The following IQSEC2 variants were observed in gnomAD, a reference collection of about 807,000 sequenced individuals.
The protein encoded by IQSEC2 is IQ motif and SEC7 domain-containing protein 2.
In IQSEC2, 6 loss-of-function variants were observed where a neutral mutation model predicts 74.6. The ratio of observed to expected loss-of-function variants is 0.08; its 90% CI spans 0.04 to 0.16. IQSEC2 has a LOEUF of 0.16. IQSEC2 is among the 10% of genes least tolerant of loss of function. The pLI is 1.00. For missense variants in IQSEC2, 734 were observed against 1,306.2 expected (o/e 0.56, Z 6.75); for synonymous variants, 494 against 544.5 (o/e 0.91, Z 1.29).
intron 2 of IQSEC2, among the ~76,000 whole-genome samples, chrX:53,278,161 C>T (rs981712514): frequency 2.8e-5 from 3 of 108,235 alleles, no homozygotes; most frequent in Non-Finnish European, 5.7e-5. Context: ...CAGGCACCCG[C>T]CACCATGCCT....
At chrX:53,277,049 G>C (rs1556869697) in intron 2 of IQSEC2, among the ~76,000 whole-genome samples, 1 of 107,776 alleles carries the variant, frequency 9.3e-6, no homozygotes, top group African/African-American at 3.4e-5. Flanking sequence ...TTTTTATTTT[G>C]TTTAAACCTG....
intron 1 of IQSEC2, among the ~76,000 whole-genome samples, chrX:53,316,667 T>C (rs1387794008): frequency 1.8e-5 from 2 of 110,349 alleles, no homozygotes; most frequent in Non-Finnish European, 3.8e-5. Flanking sequence ...CTTAAAAGAA[T>C]TGGGCGGATA....
At chrX:53,256,154 C>T (rs1205429109) in intron 2 of IQSEC2, 93 bp from the exon 3 acceptor site, 20 of 854,570 alleles carry the variant, frequency 2.3e-5, no homozygotes, top group Non-Finnish European at 3.2e-5. Context: ...TCCCTGCCCC[C>T]CATCCCATCC....
chrX:53,283,805 A>G (rs150839944), intron 2 of IQSEC2, among the ~76,000 whole-genome samples: 1,412 of 112,422 alleles, frequency 0.013, 17 homozygotes, highest in Non-Finnish European at 0.022. Flanking sequence ...GACTACAGGT[A>G]GACAATGTCC....
chrX:53,251,033 C>T lies in IQSEC2; in HGVS notation c.1543G>A (p.Asp515Asn). ...GTGTCATCCAGGTAGAGGGGAAGAT[C>T]ACTGAAGGATGTGGCTGAGCTGTCC... ...QEDSSATSFS[D>N]LPLYLDDTVP... is the part of the protein sequence containing the mutation. The change falls in exon 5 of 15, where the codon GAT becomes AAT. Residue 515 changes from aspartate (D) to asparagine (N), a missense_variant. Coordinates refer to ENST00000642864, the MANE Select transcript of IQSEC2 (RefSeq NM_001111125.3). The T allele has an allele frequency of 3.3e-6, 4 of 1,211,621 alleles. No individual in the cohort carries two copies. Among genetic ancestry groups the T allele is most frequent in the Non-Finnish European group, 4.5e-6 (4 of 895,498 alleles).
chrX:53,261,127 C>T (rs2074561779), intron 2 of IQSEC2, among the ~76,000 whole-genome samples: 1 of 111,561 alleles, frequency 9.0e-6, no homozygotes, highest in African/African-American at 3.3e-5. Context: ...GCTGAAGAAA[C>T]AGCACTGGGG....
intron 2 of IQSEC2, chrX:53,266,306 T>A: frequency 1.4e-6 from 1 of 696,424 alleles, no homozygotes. Context: ...TGGGGGTGGG[T>A]GGAATATACA....
chrX:53,231,401 T>G (rs1040768212), downstream of IQSEC2: 2 of 111,462 alleles, frequency 1.8e-5, no homozygotes, highest in Non-Finnish European at 3.8e-5. Context: ...AATGTGTGGG[T>G]GAGGAATGAG....
At chrX:53,308,163 CAAAAAAAAAAAAAA>C (rs142766855) in intron 1 of IQSEC2, among the ~76,000 whole-genome samples, 2 of 37,777 alleles carry the variant, frequency 5.3e-5, no homozygotes, top group African/African-American at 1.1e-4. Flanking sequence ...GACTCCATCT[CAAAAAAAAAAAAAA>C]AAAAAAAAAA....
Position 53,250,543 on chromosome X carries a change from C to T in IQSEC2, c.2033G>A (p.Gly678Asp), listed in dbSNP as rs1556863077. 1 of 1,211,824 alleles carries T rather than the reference C, an allele frequency of 8.3e-7. No homozygotes were observed. Among genetic ancestry groups the T allele is most frequent in the Non-Finnish European group, 1.1e-6 (1 of 895,570 alleles). The stretch of plus-strand genomic sequence containing the variant: ...TGCCTCGCACTTCCCCAACCTCCGA[C>T]CCCCAGCCACACCACTGGGCCCAGT... ...SGTGPSGVAG[G>D]RRLGKCEAAG... Residue 678 changes from glycine to aspartate, a missense_variant, in exon 5 of 15, where the codon GGT becomes GAT. By Grantham distance (94) the Gly-to-Asp change is moderately conservative. This residue lies in a region of IQSEC2 where 204 missense variants were observed against 305.4 expected (regional missense o/e 0.67). Coordinates refer to ENST00000642864, the MANE Select transcript of IQSEC2 (RefSeq NM_001111125.3).
chrX:53,288,605 A>C (rs2075058335), intron 2 of IQSEC2, among the ~76,000 whole-genome samples: 1 of 111,951 alleles, frequency 8.9e-6, no homozygotes, highest in Non-Finnish European at 1.9e-5. Flanking sequence ...ACATTCTTCC[A>C]GCCTGACTAT....
chrX:53,283,177 C>T (rs1556871233), intron 2 of IQSEC2, among the ~76,000 whole-genome samples: 1 of 112,410 alleles, frequency 8.9e-6, no homozygotes, highest in East Asian at 2.8e-4. Flanking sequence ...GATCATGCCG[C>T]TGCACTCCAG....
chrX:53,280,844 G>C (rs1473848494), intron 2 of IQSEC2, among the ~76,000 whole-genome samples: 1 of 111,999 alleles, frequency 8.9e-6, no homozygotes, highest in Non-Finnish European at 1.9e-5. Flanking sequence ...AGAGCAAGCT[G>C]GGAGTGGAGC....
At chrX:53,308,895 C>CA (rs1441908435) in intron 1 of IQSEC2, among the ~76,000 whole-genome samples, 1 of 108,663 alleles carries the variant, frequency 9.2e-6, no homozygotes, top group East Asian at 2.9e-4. Flanking sequence ...CCTAGGAGCT[C>CA]GAGACCTAAC....
At chrX:53,281,566 G>C in intron 2 of IQSEC2, 1 of 1,141,699 alleles carries the variant, frequency 8.8e-7, no homozygotes, top group Non-Finnish European at 1.2e-6. Context: ...CCTAGCCGGT[G>C]TCTCCACCGT....
At chrX:53,307,295 C>CTTTTTTTTTTTTT (rs60909741) in intron 1 of IQSEC2, among the ~76,000 whole-genome samples, 12 of 55,938 alleles carry the variant, frequency 2.1e-4, no homozygotes, top group African/African-American at 5.3e-4. Flanking sequence ...TTCTTTCTTT[C>CTTTTTTTTTTTTT]TTTTTTTTTT....
intron 3 of IQSEC2, 137 bp from the exon 4 acceptor site, chrX:53,255,068 G>A (rs1416598678): frequency 1.8e-6 from 1 of 547,343 alleles, no homozygotes; most frequent in African/African-American, 2.3e-5. Flanking sequence ...TAGGTGCTCA[G>A]TGTTGTCTCC....
intron 1 of IQSEC2, among the ~76,000 whole-genome samples, chrX:53,311,131 A>AAAAAAAAAAAAAAAAAAAAAAAAG (rs1472857475): frequency 3.1e-5 from 3 of 95,979 alleles, no homozygotes; most frequent in Non-Finnish European, 4.2e-5. Flanking sequence ...CAAAAAAAAA[A>AAAAAAAAAAAAAAAAAAAAAAAAG]AAAAGAAAAG....
rs199609782 is a variant in IQSEC2, at chrX:53,235,992, GAGA to G, written c.3452-163_3452-161del. Among the ~76,000 whole-genome samples the G allele has an allele frequency of 6.6e-3, 732 of 111,221 alleles. 2 individuals carry two copies. Among genetic ancestry groups the G allele is most frequent in the African/African-American group, 0.023 (696 of 30,515 alleles). ...GGGGAGGCGGGGAGGAGGAGAGGTG[GAGA>G]AGGAGGAGAAAGAGGAGGAAAAGAT... On this transcript the variant is annotated intron_variant, in intron 13 of 14. Transcript: ENST00000642864.
Sources: allele counts gnomAD v4.1 joint callset (sites outside exome capture counted in the v4.1 genomes callset), GRCh38; gene constraint gnomAD v4.1.1; regional missense constraint gnomAD v4.1.1; transcripts MANE v1.5; gene names NCBI Gene and HGNC (gene_info 2026-07-23, HGNC 2026-07-21).